The following IQCM variants were observed in gnomAD, a reference collection of about 807,000 sequenced individuals.
IQCM encodes the protein IQ domain-containing protein M.
IQCM carries 45 observed loss-of-function variants against 57.6 expected under a neutral mutation model. That is an observed-to-expected ratio of 0.78 (90% CI 0.62 to 1.00). IQCM has a LOEUF of 1.00. IQCM is among the 50% of genes least tolerant of loss of function. IQCM has a pLI of 0.00. For synonymous variants in IQCM, 148 were observed against 158.9 expected, an observed-to-expected ratio of 0.93 and a Z score of 0.51; for missense variants, 468 against 511.6, an observed-to-expected ratio of 0.91 and a Z score of 0.82.
chr4:149,501,392 C>A (rs137902563), intron 12 of IQCM, among the ~76,000 whole-genome samples: 1 of 152,110 alleles, frequency 6.6e-6, no homozygotes, highest in Non-Finnish European at 1.5e-5. Flanking sequence ...ATAAAACCAA[C>A]TTGAATGATT....
chr4:149,599,335 A>G (rs1007591266), intron 8 of IQCM, among the ~76,000 whole-genome samples: 6 of 152,194 alleles, frequency 3.9e-5, no homozygotes, highest in Non-Finnish European at 8.8e-5. Flanking sequence ...AGAAATTATA[A>G]TTACATTTAC....
intron 13 of IQCM, among the ~76,000 whole-genome samples, chr4:149,380,203 G>A (rs1730980637): frequency 6.6e-6 from 1 of 151,816 alleles, no homozygotes; most frequent in Non-Finnish European, 1.5e-5. Context: ...AGAAGATCAT[G>A]CATAATGAAT....
At chr4:149,388,826 C>T (rs1157787975) in intron 13 of IQCM, among the ~76,000 whole-genome samples, 1 of 148,300 alleles carries the variant, frequency 6.7e-6, no homozygotes, top group African/African-American at 2.5e-5. Flanking sequence ...CATTCTTTGC[C>T]TATTTTTAAA....
chr4:149,537,907 C>T (rs1747459088), intron 12 of IQCM, among the ~76,000 whole-genome samples: 1 of 151,500 alleles, frequency 6.6e-6, no homozygotes, highest in South Asian at 2.1e-4. Flanking sequence ...CATTTCCAGA[C>T]ATAAAGACAT....
At chr4:149,603,429 A>G (rs1289946474) in intron 8 of IQCM, among the ~76,000 whole-genome samples, 1 of 152,154 alleles carries the variant, frequency 6.6e-6, no homozygotes, top group Non-Finnish European at 1.5e-5. Context: ...ATTGTTTTAT[A>G]ATTTCCTAAC....
At chr4:149,513,284 T>C (rs1313155079) in intron 12 of IQCM, among the ~76,000 whole-genome samples, 1 of 152,216 alleles carries the variant, frequency 6.6e-6, no homozygotes, top group Non-Finnish European at 1.5e-5. Context: ...GTAGTTAGTG[T>C]ACTCATCCTA....
At chr4:149,696,726 T>C (rs1763367632) in intron 5 of IQCM, among the ~76,000 whole-genome samples, 1 of 152,168 alleles carries the variant, frequency 6.6e-6, no homozygotes, top group African/African-American at 2.4e-5. Context: ...ATGAGTCAGC[T>C]GGCTTAGACG....
At chr4:149,760,002 T>C (rs1769344914) in intron 2 of IQCM, among the ~76,000 whole-genome samples, 1 of 134,100 alleles carries the variant, frequency 7.5e-6, no homozygotes, top group Non-Finnish European at 1.6e-5. Context: ...AACCTCTAGG[T>C]TCTAGACAGA....
chr4:149,546,547 G>C (rs1328382634), intron 12 of IQCM, among the ~76,000 whole-genome samples: 1 of 152,162 alleles, frequency 6.6e-6, no homozygotes, highest in Non-Finnish European at 1.5e-5. Flanking sequence ...TTGTGGTTTT[G>C]ATATGCATTT....
chr4:149,618,374 T>C (rs1256843266), intron 8 of IQCM, among the ~76,000 whole-genome samples: 1 of 152,088 alleles, frequency 6.6e-6, no homozygotes, highest in Non-Finnish European at 1.5e-5. Context: ...AAGACTTAAA[T>C]GTAAGACCTG....
chr4:149,599,046 G>C (rs1318448051), intron 8 of IQCM, among the ~76,000 whole-genome samples: 1 of 152,122 alleles, frequency 6.6e-6, no homozygotes, highest in Non-Finnish European at 1.5e-5. Flanking sequence ...ACAGAATGCA[G>C]GTTCATATTG....
chr4:149,686,421 T>A lies in IQCM; in HGVS notation c.433A>T (p.Lys145Ter), dbSNP rs924929157. ...TGTTGCTTTGCTGTCTCCATTTTTTTACTCACTGGTTCAATAATAGTCATG... is the reference window on the plus strand; with the variant it reads ...TGTTGCTTTGCTGTCTCCATTTTTTAACTCACTGGTTCAATAATAGTCATG... ...KIMTIIEPVSKKMETAKQQHF... is the reference protein window; with the variant it reads ...KIMTIIEPVS The change falls in exon 6 of 14, where the codon AAA becomes TAA. Residue 145 changes from lysine to a stop codon, truncating the protein, a stop_gained. Transcript: ENST00000636793. LOFTEE classifies it high-confidence loss of function. The A allele has an allele frequency of 2.2e-5, 27 of 1,228,196 alleles. No homozygotes were observed. Among genetic ancestry groups the A allele is most frequent in the Middle Eastern group, 3.1e-4 (1 of 3,216 alleles). The allele number at this position is 1,228,196 out of a possible 1,614,324, so 76.1% of individuals were successfully genotyped here.
rs184402198 is a variant in IQCM at position 149,585,897 on chromosome 4, T to C, written c.749+2033A>G. 8.0e-4 allele frequency among the ~76,000 whole-genome samples: 121 copies of C among 151,792 alleles called. 1 individual carries two copies. The highest frequency in any genetic ancestry group is 2.8e-3 in the African/African-American group (118 of 41,488). On this transcript the variant is annotated intron_variant, in intron 9 of 13. Coordinates refer to ENST00000636793, the MANE Select transcript of IQCM (RefSeq NM_001363507.2). ...TGAACCAAGTGATGTCTAAAATTCCTTCAGCCATCATTCTTTAAAATATTT... is the reference window on the plus strand; with the variant it reads ...TGAACCAAGTGATGTCTAAAATTCCCTCAGCCATCATTCTTTAAAATATTT...
chr4:149,613,637 T>TATAC (rs1173084022), intron 8 of IQCM, among the ~76,000 whole-genome samples: 1 of 152,076 alleles, frequency 6.6e-6, no homozygotes, highest in East Asian at 1.9e-4. Context: ...GTTACATATG[T>TATAC]ATACATGTGC....
intron 8 of IQCM, among the ~76,000 whole-genome samples, chr4:149,614,618 T>G (rs897205249): frequency 1.3e-5 from 2 of 152,126 alleles, no homozygotes; most frequent in African/African-American, 4.8e-5. Flanking sequence ...CTCTTCCTCA[T>G]TCTAGGGCAT....
At chr4:149,360,920 C>G (rs1318812193) in intron 13 of IQCM, among the ~76,000 whole-genome samples, 1 of 152,152 alleles carries the variant, frequency 6.6e-6, no homozygotes, top group African/African-American at 2.4e-5. Context: ...TTGGAGGGCT[C>G]AGAAGAAGAC....
At chr4:149,386,426 A>C (rs957895558) in intron 13 of IQCM, among the ~76,000 whole-genome samples, 7 of 152,098 alleles carry the variant, frequency 4.6e-5, no homozygotes, top group African/African-American at 1.7e-4. Context: ...GTTTAGTTGA[A>C]GTATTTTAGA....
chr4:149,454,167 T>TATAC (rs1346310829), intron 12 of IQCM, among the ~76,000 whole-genome samples: 1 of 144,050 alleles, frequency 6.9e-6, no homozygotes, highest in African/African-American at 2.6e-5. Flanking sequence ...TATATATATA[T>TATAC]ACACACACAC....
At chr4:149,389,502 T>C (rs1012437514) in intron 13 of IQCM, among the ~76,000 whole-genome samples, 1 of 151,534 alleles carries the variant, frequency 6.6e-6, no homozygotes, top group Non-Finnish European at 1.5e-5. Flanking sequence ...ATGTGGCACA[T>C]ATACACCATG....
Sources: gnomAD v4.1 joint callset for allele counts (sites outside exome capture counted in the v4.1 genomes callset) on GRCh38, gnomAD v4.1.1 for gene constraint, MANE v1.5 for transcripts, NCBI Gene and HGNC (gene_info 2026-07-23, HGNC 2026-07-21) for gene names.